The following PTPRT variants were observed in gnomAD, a reference collection of about 807,000 sequenced individuals.
PTPRT encodes receptor-type tyrosine-protein phosphatase T.
PTPRT carries 56 observed loss-of-function variants against 176.8 expected under a neutral mutation model. That is an observed-to-expected ratio of 0.32 (90% confidence interval 0.26 to 0.40). The LOEUF (loss-of-function observed/expected upper bound fraction) is 0.40, where lower values mean the gene tolerates loss of function less well. Among genes scored for constraint, PTPRT ranks in the 10% least tolerant of loss-of-function variants. The pLI is 1.00. For synonymous variants in PTPRT, 783 were observed against 739.0 expected (o/e 1.06, Z -0.96); for missense variants, 1,540 against 1,908.2 (o/e 0.81, Z 3.60).
At chr20:42,977,487 T>C (rs758611388) in intron 1 of PTPRT, among the ~76,000 whole-genome samples, 11 of 152,192 alleles carry the variant, frequency 7.2e-5, no homozygotes, top group Non-Finnish European at 1.0e-4. Flanking sequence ...ATAATAAATA[T>C]GTAAAGTAGT....
At chr20:42,835,884 T>C (rs1468502191) in intron 2 of PTPRT, among the ~76,000 whole-genome samples, 1 of 152,136 alleles carries the variant, frequency 6.6e-6, no homozygotes, top group African/African-American at 2.4e-5. Context: ...TAGATATCCA[T>C]GTCTTATTAT....
intron 2 of PTPRT, among the ~76,000 whole-genome samples, chr20:42,803,175 T>C (rs1246008196): frequency 2.0e-5 from 3 of 152,246 alleles, no homozygotes; most frequent in Non-Finnish European, 4.4e-5. Context: ...CTCCATGCTG[T>C]TGACAACAAG....
At chr20:42,979,617 C>A (rs1352925749) in intron 1 of PTPRT, among the ~76,000 whole-genome samples, 2 of 152,062 alleles carry the variant, frequency 1.3e-5, no homozygotes, top group Admixed American at 1.3e-4. Context: ...GACACATTCA[C>A]TGGCAGATAA....
In PTPRT at chr20:42,084,788, G is replaced by C. The variant is rs200056702; in HGVS notation, c.4030C>G (p.Arg1344Gly). 139 of 1,550,920 alleles carry C rather than the reference G, an allele frequency of 9.0e-5. No homozygotes were observed. The highest frequency in any genetic ancestry group is 7.7e-5 in the Non-Finnish European group (88 of 1,143,652). The change falls in exon 29 of 31, where the codon CGG becomes GGG. Residue 1344 changes from arginine (R) to glycine (G), a missense_variant. By Grantham distance (125) the Arg-to-Gly change is moderately radical. This residue lies in a region of PTPRT where 342 missense variants were observed against 394.0 expected (regional missense o/e 0.87). Transcript: ENST00000373187. ...GAGCGCTTGGAGGGGGGCGTGTCCCGGTAGGCAGGCCAGCCAATGTACTGG... is the reference window on the plus strand; with the variant it reads ...GAGCGCTTGGAGGGGGGCGTGTCCCCGTAGGCAGGCCAGCCAATGTACTGG... Reference protein sequence around the residue: ...HLQYIGWPAYRDTPPSKRSLL... With the variant: ...HLQYIGWPAYGDTPPSKRSLL...
At chr20:42,168,638 C>T (rs967762512) in intron 16 of PTPRT, among the ~76,000 whole-genome samples, 1 of 152,196 alleles carries the variant, frequency 6.6e-6, no homozygotes, top group Admixed American at 6.5e-5. Context: ...TCGAAAATCC[C>T]TCTCTCAATT....
the PTPRT span, among the ~76,000 whole-genome samples, chr20:42,042,984 T>C: frequency 6.6e-6 from 1 of 152,190 alleles, no homozygotes; most frequent in Non-Finnish European, 1.5e-5. Flanking sequence ...ACATCACCGC[T>C]TTTTAGAGAG....
At chr20:42,683,728 A>C (rs2075644853) in intron 6 of PTPRT, among the ~76,000 whole-genome samples, 1 of 152,358 alleles carries the variant, frequency 6.6e-6, no homozygotes, top group East Asian at 1.9e-4. Context: ...TTTTCATACA[A>C]TAATGGACTG....
intron 7 of PTPRT, among the ~76,000 whole-genome samples, chr20:42,594,023 A>G (rs117506890): frequency 9.8e-5 from 15 of 152,296 alleles, no homozygotes; most frequent in African/African-American, 2.9e-4. Context: ...ATGAAATTGC[A>G]GTACCAGAGA....
chr20:43,009,407 GC>G (rs1985011336), intron 1 of PTPRT, among the ~76,000 whole-genome samples: 1 of 152,158 alleles, frequency 6.6e-6, no homozygotes, highest in African/African-American at 2.4e-5. Context: ...AATAAACACA[GC>G]CCAGAGTGTT....
At chr20:42,333,042 A>G (rs937348181) in intron 11 of PTPRT, among the ~76,000 whole-genome samples, 6 of 152,218 alleles carry the variant, frequency 3.9e-5, no homozygotes, top group African/African-American at 1.4e-4. Flanking sequence ...TTAGGAAACC[A>G]CCACTCTGAG....
chr20:42,097,809 C>A (rs980803901), intron 27 of PTPRT, among the ~76,000 whole-genome samples: 1 of 152,210 alleles, frequency 6.6e-6, no homozygotes, highest in Non-Finnish European at 1.5e-5. Context: ...GCTGCCCTGG[C>A]ATAGAAACTG....
At chr20:42,698,889 A>C (rs2075927971) in intron 6 of PTPRT, among the ~76,000 whole-genome samples, 2 of 152,326 alleles carry the variant, frequency 1.3e-5, no homozygotes, top group South Asian at 4.1e-4. Context: ...GAACGAACAA[A>C]TAAATGGCCC....
At chr20:42,528,798 T>A (rs2072324741) in intron 7 of PTPRT, among the ~76,000 whole-genome samples, 1 of 152,230 alleles carries the variant, frequency 6.6e-6, no homozygotes, top group Admixed American at 6.5e-5. Flanking sequence ...ATTTTATGCT[T>A]GCTTAATCTT....
the PTPRT span, chr20:42,064,010 G>A: frequency 2.0e-5 from 3 of 151,584 alleles, no homozygotes; most frequent in Non-Finnish European, 4.4e-5. Flanking sequence ...TTGTAAGAGA[G>A]GAGTTTTCCC....
chr20:42,455,061 C>T (rs2070896487), intron 8 of PTPRT, among the ~76,000 whole-genome samples: 1 of 152,148 alleles, frequency 6.6e-6, no homozygotes, highest in Non-Finnish European at 1.5e-5. Context: ...CAAACTATTT[C>T]AAACACTGAA....
intron 9 of PTPRT, among the ~76,000 whole-genome samples, chr20:42,362,633 C>T (rs949355039): frequency 5.9e-5 from 9 of 152,004 alleles, no homozygotes; most frequent in African/African-American, 2.2e-4. Flanking sequence ...TCAAATAAGG[C>T]CTGTAGATTA....
chr20:43,121,328 A>C lies in PTPRT; in HGVS notation c.88+68318T>G, dbSNP rs573704148. ...GAGAACATTTGTGTACATGCCCATG[A>C]GTAAATATGTTTACCCACTTCGGCT... On this transcript the variant is annotated intron_variant, in intron 1 of 30. Coordinates refer to ENST00000373187, the MANE Select transcript of PTPRT (RefSeq NM_007050.6). Among the ~76,000 whole-genome samples the C allele has an allele frequency of 5.9e-5, 9 of 152,316 alleles. No homozygotes were observed. In the South Asian group the frequency reaches 1.7e-3, roughly 28 times the overall value.
In PTPRT at chr20:42,891,676, T is replaced by C. The variant is rs181061412; in HGVS notation, c.89-5744A>G. On this transcript the variant is annotated intron_variant, in intron 1 of 30. Coordinates refer to ENST00000373187, the MANE Select transcript of PTPRT (RefSeq NM_007050.6). ...AGAATTCAATAAAAATATAAATGTGTCTTCCTCTGCATTTCTTAGATATGA... is the reference window on the plus strand; with the variant it reads ...AGAATTCAATAAAAATATAAATGTGCCTTCCTCTGCATTTCTTAGATATGA... 3.3e-5 allele frequency among the ~76,000 whole-genome samples: 5 copies of C among 152,366 alleles called. No homozygotes were observed. The East Asian group carries it at 5.8e-4, about 18-fold the overall frequency.
At chr20:43,066,671 C>A (rs996820415) in intron 1 of PTPRT, among the ~76,000 whole-genome samples, 1 of 152,196 alleles carries the variant, frequency 6.6e-6, no homozygotes, top group African/African-American at 2.4e-5. Context: ...CCTGTTCCAA[C>A]CTGAACTGTG....
Sources: allele counts gnomAD v4.1 joint callset (sites outside exome capture counted in the v4.1 genomes callset), GRCh38; gene constraint gnomAD v4.1.1; regional missense constraint gnomAD v4.1.1; transcripts MANE v1.5; gene names NCBI Gene and HGNC (gene_info 2026-07-23, HGNC 2026-07-21).